The following MAP2K5 variants were observed in gnomAD, a reference collection of about 807,000 sequenced individuals.
MAP2K5 encodes the protein mitogen-activated protein kinase kinase 5.
In MAP2K5, 49 loss-of-function variants were observed where a neutral mutation model predicts 83.1. The ratio of observed to expected loss-of-function variants is 0.59; its 90% CI spans 0.47 to 0.75. The LOEUF (loss-of-function observed/expected upper bound fraction) is 0.75, where lower values mean the gene tolerates loss of function less well. Among genes scored for constraint, MAP2K5 ranks in the 30% least tolerant of loss-of-function variants. The pLI is 0.00. For synonymous variants in MAP2K5, 202 were observed against 191.8 expected (o/e 1.05, Z -0.44); for missense variants, 457 against 557.5 (o/e 0.82, Z 1.82).
At chr15:67,558,063 C>A (rs1382521019) in intron 2 of MAP2K5, among the ~76,000 whole-genome samples, 1 of 152,116 alleles carries the variant, frequency 6.6e-6, no homozygotes, top group Non-Finnish European at 1.5e-5. Flanking sequence ...AAGTCCAAAT[C>A]CCTTTTAGTC....
intron 7 of MAP2K5, among the ~76,000 whole-genome samples, chr15:67,596,077 A>C (rs905458863): frequency 1.3e-5 from 2 of 151,982 alleles, no homozygotes; most frequent in Non-Finnish European, 2.9e-5. Flanking sequence ...ATCTAGAACT[A>C]ATTCTGGTCC....
chr15:67,712,993 T>C (rs1191947051), intron 16 of MAP2K5, among the ~76,000 whole-genome samples: 1 of 149,332 alleles, frequency 6.7e-6, no homozygotes, highest in African/African-American at 2.5e-5. Context: ...ACATGAAAAA[T>C]AGAAGTTCCA....
chr15:67,745,572 A>G lies in MAP2K5; in HGVS notation c.1075-2659A>G, dbSNP rs182365061. Among the ~76,000 whole-genome samples, 891 of 152,356 alleles carry G rather than the reference A, an allele frequency of 5.8e-3. 14 individuals are homozygous for G. The highest frequency in any genetic ancestry group is 0.02 in the African/African-American group (831 of 41,576). On this transcript the variant is annotated intron_variant, in intron 17 of 21. Transcript: ENST00000178640. ...GCAGTGAAAAATATGCCTAATATAA[A>G]TACAGCCGAGTACATGGCAGTTCAG...
chr15:67,632,842 CAG>C (rs879758966), intron 9 of MAP2K5, among the ~76,000 whole-genome samples: 3 of 152,152 alleles, frequency 2.0e-5, no homozygotes, highest in Non-Finnish European at 2.9e-5. Flanking sequence ...TAATGAAATC[CAG>C]AGTTCTTCTT....
At position 67,779,633 on chromosome 15, in the gene MAP2K5, G is replaced by C. The variant is rs2090295472; in HGVS notation, c.1242+6881G>C. On this transcript the variant is annotated intron_variant, in intron 21 of 21. Transcript: ENST00000178640. The surrounding 1 kb of genome is among the most constrained non-coding windows in gnomAD (Gnocchi z 4.6). ...TAAGCATAGCTTTTTTCCTCCATCAGTCAAGTCAGATCTCTTAGTATGATG... is the reference window on the plus strand; with the variant it reads ...TAAGCATAGCTTTTTTCCTCCATCACTCAAGTCAGATCTCTTAGTATGATG... Among the ~76,000 whole-genome samples the C allele has an allele frequency of 6.6e-6, 1 of 152,202 alleles. No homozygotes were observed. Among genetic ancestry groups the C allele is most frequent in the Non-Finnish European group, 1.5e-5 (1 of 68,038 alleles).
intron 16 of MAP2K5, among the ~76,000 whole-genome samples, chr15:67,715,754 C>A (rs2088815311): frequency 6.6e-6 from 1 of 152,166 alleles, no homozygotes; most frequent in South Asian, 2.1e-4. Context: ...GCAAGCTGAT[C>A]TTTTATGACA....
rs1236212435 is a variant in MAP2K5 at position 67,795,000 on chromosome 15, G to A, written c.1243-11646G>A. 1.3e-5 allele frequency among the ~76,000 whole-genome samples: 2 copies of A among 152,218 alleles called. No individual in the cohort carries two copies. Among genetic ancestry groups the A allele is most frequent in the African/African-American group, 4.8e-5 (2 of 41,456 alleles). On this transcript the variant is annotated intron_variant, in intron 21 of 21. Transcript: ENST00000178640. The surrounding 1 kb of genome is among the most constrained non-coding windows in gnomAD (Gnocchi z 4.6). The stretch of plus-strand genomic sequence containing the variant: ...GGTGATGTTTTGTCAGTGCTCATTG[G>A]CACCTTGCCAGCCACCACCATTATC...
Position 67,543,014 on chromosome 15 carries a change from C to A in MAP2K5, c.-322C>A. ...CCTTGCCCTGCTGCCTCCTCATACCCACACGGCGGCAGAGACCTTCACCAT... is the reference window on the plus strand; with the variant it reads ...CCTTGCCCTGCTGCCTCCTCATACCAACACGGCGGCAGAGACCTTCACCAT... On this transcript the variant is annotated 5_prime_UTR_variant, in exon 1 of 22. Transcript: ENST00000178640. This position sits in a 1 kb window ranked among gnomAD's most constrained non-coding sequence, Gnocchi z 4.3. 1 of 369,756 alleles carries A rather than the reference C, an allele frequency of 2.7e-6. No homozygotes were observed. The allele number at this position is 369,756 out of a possible 1,614,324, so 22.9% of individuals were successfully genotyped here. A position where few individuals can be genotyped will look rare whatever the true frequency, so the allele number is the denominator to read the frequency against.
At chr15:67,658,929 G>T (rs2087161882) in intron 12 of MAP2K5, 1 of 442,618 alleles carries the variant, frequency 2.3e-6, no homozygotes, top group Non-Finnish European at 4.4e-6. Context: ...TTTACATTTT[G>T]TAGTTATGAT....
chr15:67,570,743 C>T (rs1234363096), intron 3 of MAP2K5, among the ~76,000 whole-genome samples: 1 of 152,164 alleles, frequency 6.6e-6, no homozygotes, highest in Middle Eastern at 3.2e-3. Context: ...GGAAAACTAA[C>T]AAATTAACTA....
At chr15:67,761,186 G>A (rs916705746) in intron 19 of MAP2K5, among the ~76,000 whole-genome samples, 2 of 151,870 alleles carry the variant, frequency 1.3e-5, no homozygotes, top group Non-Finnish European at 2.9e-5. Flanking sequence ...TCCAAATCCT[G>A]ATGAACATTC....
At chr15:67,564,284 T>G (rs1459478328) in intron 3 of MAP2K5, among the ~76,000 whole-genome samples, 1 of 152,124 alleles carries the variant, frequency 6.6e-6, no homozygotes, top group African/African-American at 2.4e-5. Context: ...AATAGAAGAA[T>G]AGATGTGAAA....
chr15:67,593,562 T>C (rs963637381), intron 7 of MAP2K5, among the ~76,000 whole-genome samples: 1 of 152,214 alleles, frequency 6.6e-6, no homozygotes, highest in Non-Finnish European at 1.5e-5. Context: ...TCTGAAATAG[T>C]AGAGTGCTTT....
intron 2 of MAP2K5, 150 bp downstream of exon 2, chr15:67,550,232 T>G: frequency 1.7e-6 from 1 of 587,018 alleles, no homozygotes; most frequent in Non-Finnish European, 3.0e-6. Context: ...TGATATAAGT[T>G]TAATGATGAT....
At chr15:67,568,229 T>C (rs1385151375) in intron 3 of MAP2K5, among the ~76,000 whole-genome samples, 1 of 152,220 alleles carries the variant, frequency 6.6e-6, no homozygotes, top group African/African-American at 2.4e-5. Flanking sequence ...CAAGAGTCCT[T>C]ATATTTAAGT....
In MAP2K5 at chr15:67,572,901, T is replaced by G. The variant is rs2084977359; in HGVS notation, c.253-7853T>G. Among the ~76,000 whole-genome samples the G allele has an allele frequency of 6.6e-6, 1 of 152,134 alleles. No individual in the cohort carries two copies. The highest frequency in any genetic ancestry group is 1.5e-5 in the Non-Finnish European group (1 of 68,020). ...TTTAGTAGAGACGGGTTTTCACGTA[T>G]TGGCCAGGCTGGTCTCAAACTCCTG... On this transcript the variant is annotated intron_variant, in intron 3 of 21. Coordinates refer to ENST00000178640, the MANE Select transcript of MAP2K5 (RefSeq NM_145160.3). The surrounding 1 kb of genome is among the most constrained non-coding windows in gnomAD (Gnocchi z 4.2).
At chr15:67,590,741 G>T (rs970335629) in intron 6 of MAP2K5, among the ~76,000 whole-genome samples, 1 of 151,920 alleles carries the variant, frequency 6.6e-6, no homozygotes, top group African/African-American at 2.4e-5. Flanking sequence ...GGCTTGAGAC[G>T]CTGTGCTTGG....
intron 17 of MAP2K5, among the ~76,000 whole-genome samples, chr15:67,728,261 T>TA (rs972661282): frequency 6.6e-6 from 1 of 152,206 alleles, no homozygotes; most frequent in African/African-American, 2.4e-5. Flanking sequence ...TTTTTCTTGA[T>TA]ACACTTTTTA....
intron 8 of MAP2K5, chr15:67,628,272 G>A: frequency 1.8e-6 from 1 of 552,276 alleles, no homozygotes; most frequent in Non-Finnish European, 3.3e-6. Flanking sequence ...ACGAGGTCAG[G>A]GATTTGAGAC....
Sources: allele counts gnomAD v4.1 joint callset (sites outside exome capture counted in the v4.1 genomes callset), GRCh38; gene constraint gnomAD v4.1.1; non-coding constraint Gnocchi (gnomAD v3.1); transcripts MANE v1.5; gene names NCBI Gene and HGNC (gene_info 2026-07-23, HGNC 2026-07-21).